The following MAP2K6 variants were observed in gnomAD, a reference collection of about 807,000 sequenced individuals.
MAP2K6 encodes the protein mitogen-activated protein kinase kinase 6.
Under a neutral mutation model 53.7 loss-of-function variants are expected in MAP2K6, and 16 were observed. The observed-to-expected ratio is 0.30, with a 90% CI of 0.20 to 0.45. MAP2K6 has a LOEUF of 0.45. Ranked by LOEUF, MAP2K6 falls within the 20% of genes least tolerant of loss-of-function variation. The pLI is 1.00. For missense variants in MAP2K6, 204 were observed against 411.9 expected (o/e 0.50, Z 4.37); for synonymous variants, 132 against 143.1 (o/e 0.92, Z 0.55).
rs939558928 is a variant in MAP2K6 at position 69,516,491 on chromosome 17, G to A, written c.84-364G>A. Among the ~76,000 whole-genome samples, 9 of 152,156 alleles carry A rather than the reference G, an allele frequency of 5.9e-5. No homozygotes were observed. In the East Asian group the frequency reaches 1.7e-3, roughly 29 times the overall value. ...TATTAGTCCATGGCTTGGGGGTTGG[G>A]CACCCTAATCTATATAATAGCACAT... On this transcript the variant is annotated intron_variant, in intron 2 of 11. Transcript: ENST00000590474.
intron 2 of MAP2K6, among the ~76,000 whole-genome samples, chr17:69,516,377 G>A (rs1275559445): frequency 6.6e-6 from 1 of 152,166 alleles, no homozygotes; most frequent in Non-Finnish European, 1.5e-5. Flanking sequence ...AGGAGATGGA[G>A]CTCAAGTGGT....
In MAP2K6 at chr17:69,465,301, C is replaced by T. The variant is rs987258198; in HGVS notation, c.17-40479C>T. ...TTTAATAAAATGATATTACTATGCT[C>T]TATAAATCTATAAGTTACAGCCTGC... On this transcript the variant is annotated intron_variant, in intron 1 of 11. Coordinates refer to ENST00000590474, the MANE Select transcript of MAP2K6 (RefSeq NM_002758.4). 2.0e-5 allele frequency among the ~76,000 whole-genome samples: 3 copies of T among 152,062 alleles called. No homozygotes were observed. In the East Asian group the frequency reaches 5.8e-4, roughly 29 times the overall value.
At chr17:69,447,642 G>A (rs1472714640) in intron 1 of MAP2K6, among the ~76,000 whole-genome samples, 4 of 152,310 alleles carry the variant, frequency 2.6e-5, no homozygotes, top group East Asian at 3.9e-4. Flanking sequence ...CACCATGCCC[G>A]GCTAGGAATT....
intron 1 of MAP2K6, among the ~76,000 whole-genome samples, chr17:69,479,592 A>G (rs1431414032): frequency 1.3e-5 from 2 of 152,192 alleles, no homozygotes; most frequent in African/African-American, 4.8e-5. Flanking sequence ...AATCTGTATT[A>G]AATGTAACAA....
intron 1 of MAP2K6, among the ~76,000 whole-genome samples, chr17:69,472,679 G>A (rs899436149): frequency 6.6e-6 from 1 of 152,100 alleles, no homozygotes; most frequent in Admixed American, 6.6e-5. Flanking sequence ...GGAGTAATTG[G>A]CAACATCATT....
chr17:69,424,459 T>A (rs988373020), intron 1 of MAP2K6, among the ~76,000 whole-genome samples: 1 of 152,148 alleles, frequency 6.6e-6, no homozygotes, highest in Non-Finnish European at 1.5e-5. Context: ...TCACTATGGA[T>A]CAGTGAGGTG....
intron 1 of MAP2K6, among the ~76,000 whole-genome samples, chr17:69,423,146 G>T (rs1490004725): frequency 2.6e-5 from 4 of 152,126 alleles, no homozygotes; most frequent in Non-Finnish European, 5.9e-5. Context: ...GCCTCCCAAA[G>T]TGCTGGGATT....
intron 1 of MAP2K6, among the ~76,000 whole-genome samples, chr17:69,495,797 G>A (rs541939564): frequency 6.6e-4 from 100 of 151,916 alleles, no homozygotes; most frequent in Non-Finnish European, 1.3e-3. Context: ...GCTCGAGCAC[G>A]CCACTAAATT....
intron 7 of MAP2K6, among the ~76,000 whole-genome samples, chr17:69,523,173 A>G (rs1910571490): frequency 6.6e-6 from 1 of 152,242 alleles, no homozygotes; most frequent in Admixed American, 6.5e-5. Context: ...GTTAAATATC[A>G]ATAGATCATT....
chr17:69,528,258 C>G (rs1265387552), intron 10 of MAP2K6, among the ~76,000 whole-genome samples: 2 of 152,240 alleles, frequency 1.3e-5, no homozygotes. Context: ...GTACTTTTCC[C>G]TGATGATGTA....
At chr17:69,457,905 C>T (rs984850156) in intron 1 of MAP2K6, among the ~76,000 whole-genome samples, 20 of 152,356 alleles carry the variant, frequency 1.3e-4, no homozygotes, top group African/African-American at 4.6e-4. Context: ...CAGAAGATTC[C>T]TGTGCACATT....
intron 1 of MAP2K6, among the ~76,000 whole-genome samples, chr17:69,454,859 G>A (rs1907347821): frequency 6.6e-6 from 1 of 152,128 alleles, no homozygotes; most frequent in Non-Finnish European, 1.5e-5. Context: ...TTTGCAGGTA[G>A]GAACATTTTA....
At chr17:69,491,657 A>G (rs1908757022) in intron 1 of MAP2K6, among the ~76,000 whole-genome samples, 1 of 152,176 alleles carries the variant, frequency 6.6e-6, no homozygotes. Context: ...GCTTTCCACA[A>G]TAGTTGAACT....
chr17:69,429,508 C>G (rs1440730750), intron 1 of MAP2K6, among the ~76,000 whole-genome samples: 1 of 151,424 alleles, frequency 6.6e-6, no homozygotes, highest in African/African-American at 2.4e-5. Context: ...TAGATAAGGC[C>G]TGTAAGTCTT....
chr17:69,453,785 T>C (rs1274279419), intron 1 of MAP2K6, among the ~76,000 whole-genome samples: 2 of 152,212 alleles, frequency 1.3e-5, no homozygotes, highest in African/African-American at 4.8e-5. Context: ...TGGGTGTAAA[T>C]TACAATTACC....
intron 1 of MAP2K6, among the ~76,000 whole-genome samples, chr17:69,495,090 C>T (rs1220138901): frequency 9.0e-5 from 11 of 121,822 alleles, no homozygotes; most frequent in Non-Finnish European, 1.7e-5. Flanking sequence ...GAATCCATTA[C>T]TTCCACATAA....
At chr17:69,444,009 G>A (rs1317083398) in intron 1 of MAP2K6, among the ~76,000 whole-genome samples, 1 of 152,260 alleles carries the variant, frequency 6.6e-6, no homozygotes, top group South Asian at 2.1e-4. Flanking sequence ...AGATGATGAA[G>A]GGAATGACCA....
At position 69,547,079 on chromosome 17, in the gene MAP2K6, T is replaced by C. The variant is rs1485759910; in HGVS notation, c.*5326T>C. ...CAGCTAAAGATGCTCTTTGGGTTTTTTTTTTGGCTTTAATTTGGGTACTAT... is the reference window on the plus strand; with the variant it reads ...CAGCTAAAGATGCTCTTTGGGTTTTCTTTTTGGCTTTAATTTGGGTACTAT... On this transcript the variant is annotated 3_prime_UTR_variant, in exon 12 of 12. Transcript: ENST00000590474. The C allele has an allele frequency of 6.6e-6, 1 of 152,184 alleles. No individual in the cohort carries two copies. The highest frequency in any genetic ancestry group is 1.9e-4 in the East Asian group (1 of 5,192). 9.4% of individuals were successfully genotyped at this position (152,184 alleles called of 1,614,324 possible). A position where few individuals can be genotyped will look rare whatever the true frequency, so the allele number is the denominator to read the frequency against.
Position 69,414,762 on chromosome 17 carries a change from C to A in MAP2K6, c.-223C>A. The A allele has an allele frequency of 1.9e-6, 1 of 526,740 alleles. No individual in the cohort carries two copies. The allele number at this position is 526,740 out of a possible 1,614,324, so 32.6% of individuals were successfully genotyped here. A position where few individuals can be genotyped will look rare whatever the true frequency, so the allele number is the denominator to read the frequency against. On this transcript the variant is annotated 5_prime_UTR_variant, in exon 1 of 12. Coordinates refer to ENST00000590474, the MANE Select transcript of MAP2K6 (RefSeq NM_002758.4). Reference sequence around the variant, plus strand: ...TCATGTAGCTGCAGCACAGCCTTCCCTAACGTTGCAACTGGGGGAAAAATC... The same window carrying A: ...TCATGTAGCTGCAGCACAGCCTTCCATAACGTTGCAACTGGGGGAAAAATC...
Sources: allele counts gnomAD v4.1 joint callset (sites outside exome capture counted in the v4.1 genomes callset), GRCh38; gene constraint gnomAD v4.1.1; transcripts MANE v1.5; gene names NCBI Gene and HGNC (gene_info 2026-07-23, HGNC 2026-07-21).